PCDHAC2: variants seen among roughly 807,000 people sequenced by gnomAD.
PCDHAC2 encodes the protein protocadherin alpha-C2.
In PCDHAC2, 24 loss-of-function variants were observed where a neutral mutation model predicts 63.3. The observed-to-expected ratio is 0.38, with a 90% confidence interval of 0.27 to 0.53. PCDHAC2 has a LOEUF of 0.53. Ranked by LOEUF, PCDHAC2 falls within the 20% of genes least tolerant of loss-of-function variation. The pLI is 0.81. For missense variants in PCDHAC2, 1,181 were observed against 1,275.2 expected (o/e 0.93, Z 1.12); for synonymous variants, 569 against 529.4 (o/e 1.07, Z -1.03).
intron 1 of PCDHAC2, among the ~76,000 whole-genome samples, chr5:140,971,325 T>C (rs1273585971): frequency 3.9e-5 from 6 of 152,190 alleles, no homozygotes; most frequent in African/African-American, 1.4e-4. Context: ...AGGGAGAAAA[T>C]TATTTCAGAA....
At chr5:141,001,097 T>TC (rs1554257999) in intron 3 of PCDHAC2, among the ~76,000 whole-genome samples, 1 of 152,114 alleles carries the variant, frequency 6.6e-6, no homozygotes, top group Non-Finnish European at 1.5e-5. Flanking sequence ...AACTGTCTAA[T>TC]CCATAATAAG....
chr5:140,988,097 C>T (rs2097282934), intron 3 of PCDHAC2, among the ~76,000 whole-genome samples: 1 of 152,084 alleles, frequency 6.6e-6, no homozygotes, highest in Admixed American at 6.5e-5. Flanking sequence ...AGCCTCGGGC[C>T]TTGTTGGAGA....
rs2096268798 is a variant in PCDHAC2 at position 140,968,765 on chromosome 5, G to A, written c.1999G>A (p.Glu667Lys). 8.1e-6 allele frequency: 13 copies of A among 1,614,078 alleles called. No homozygotes were observed. The East Asian group carries it at 2.2e-4, about 28-fold the overall frequency. The change falls in exon 1 of 4, where the codon GAG (glutamate) becomes AAG (lysine). Residue 667 changes from glutamate to lysine, a missense_variant. By Grantham distance (56) the Glu-to-Lys change is moderately conservative (BLOSUM62 1). Transcript: ENST00000289269. ...NLTVVVRDNG[E>K]PSLSASVAIT... Reference sequence around the variant, plus strand: ...GACCGTGGTGGTCCGAGATAATGGAGAGCCATCACTATCAGCCTCTGTGGC... The same window carrying A: ...GACCGTGGTGGTCCGAGATAATGGAAAGCCATCACTATCAGCCTCTGTGGC...
At chr5:140,977,461 G>A (rs1554238575) in intron 1 of PCDHAC2, among the ~76,000 whole-genome samples, 1 of 152,120 alleles carries the variant, frequency 6.6e-6, no homozygotes, top group African/African-American at 2.4e-5. Context: ...CTTTGATTTG[G>A]TCTGTAGATA....
At position 140,967,809 on chromosome 5, in the gene PCDHAC2, A is replaced by G; in HGVS notation, c.1043A>G (p.His348Arg). 6.2e-7 allele frequency: 1 copy of G among 1,614,190 alleles called. No homozygotes were observed. The part of the protein sequence containing the change: ...TDRGPVPMAG[H>R]CKVLVDIVDV... Reference sequence around the variant, plus strand: ...CGGGGTCCAGTGCCCATGGCAGGTCACTGCAAGGTGCTGGTGGACATCGTG... The same window carrying G: ...CGGGGTCCAGTGCCCATGGCAGGTCGCTGCAAGGTGCTGGTGGACATCGTG... The change falls in exon 1 of 4, where the codon CAC becomes CGC. Residue 348 changes from histidine (H) to arginine (R), a missense_variant. By Grantham distance (29) the His-to-Arg change is conservative. This residue lies in a region of PCDHAC2 where 968 missense variants were observed against 1,073.5 expected (regional missense o/e 0.90). Transcript: ENST00000289269.
chr5:140,985,465 A>T (rs1195143465), intron 3 of PCDHAC2, among the ~76,000 whole-genome samples: 1 of 152,126 alleles, frequency 6.6e-6, no homozygotes, highest in Non-Finnish European at 1.5e-5. Flanking sequence ...TGCTCCAAAA[A>T]ATTTGGTTGT....
At chr5:141,002,589 TC>T (rs1157810975) in intron 3 of PCDHAC2, among the ~76,000 whole-genome samples, 1 of 152,140 alleles carries the variant, frequency 6.6e-6, no homozygotes, top group African/African-American at 2.4e-5. Context: ...TAGTCCTTAG[TC>T]CCCTCATCTA....
At position 141,010,004 on chromosome 5, in the gene PCDHAC2, A is replaced by T; in HGVS notation, c.*67A>T. 1 of 1,573,418 alleles carries T rather than the reference A, an allele frequency of 6.4e-7. No individual in the cohort carries two copies. The highest frequency in any genetic ancestry group is 8.6e-7 in the Non-Finnish European group (1 of 1,163,824). ...TAATGGCAAATCTCTCCCATGTAGC[A>T]ATTCCCTGCTCCTTTTTCCTATCTA... On this transcript the variant is annotated 3_prime_UTR_variant, in exon 4 of 4. Transcript: ENST00000289269.
chr5:141,006,620 T>C (rs1237251555), intron 3 of PCDHAC2, among the ~76,000 whole-genome samples: 3 of 152,148 alleles, frequency 2.0e-5, no homozygotes, highest in Admixed American at 6.5e-5. Context: ...ATAAGGAGAC[T>C]ATTGCTGCAA....
intron 1 of PCDHAC2, among the ~76,000 whole-genome samples, chr5:140,978,524 C>G (rs1554239389): frequency 2.0e-5 from 3 of 152,208 alleles, no homozygotes; most frequent in Admixed American, 6.5e-5. Context: ...TCCAGCCAGG[C>G]CAGCAGAACT....
intron 3 of PCDHAC2, among the ~76,000 whole-genome samples, chr5:140,987,383 G>A (rs2097252098): frequency 6.6e-6 from 1 of 152,138 alleles, no homozygotes; most frequent in Admixed American, 6.5e-5. Flanking sequence ...GGGTCAGAAT[G>A]CATGCAAGGA....
intron 1 of PCDHAC2, 175 bp downstream of exon 1, chr5:140,969,506 G>A (rs1262259666): frequency 2.9e-5 from 41 of 1,426,940 alleles, no homozygotes; most frequent in Non-Finnish European, 3.6e-5. Context: ...TAGAAAAATA[G>A]CACTAAAGAA....
chr5:140,981,264 C>T (rs2096925155), intron 2 of PCDHAC2, among the ~76,000 whole-genome samples: 1 of 152,128 alleles, frequency 6.6e-6, no homozygotes, highest in Non-Finnish European at 1.5e-5. Flanking sequence ...TCAAGATAAG[C>T]AAATGTCTAG....
chr5:140,977,433 A>G (rs939711301), intron 1 of PCDHAC2, among the ~76,000 whole-genome samples: 6 of 152,218 alleles, frequency 3.9e-5, no homozygotes, highest in Non-Finnish European at 7.3e-5. Flanking sequence ...TAACACCGCT[A>G]GTAGATAATG....
intron 3 of PCDHAC2, among the ~76,000 whole-genome samples, chr5:140,985,739 CT>C (rs11372071): frequency 0.013 from 1,497 of 117,900 alleles, 11 homozygotes; most frequent in African/African-American, 0.038. Flanking sequence ...TGATGAATTC[CT>C]TTTTTTTTTT....
At chr5:140,997,374 A>G (rs1296402204) in intron 3 of PCDHAC2, among the ~76,000 whole-genome samples, 1 of 152,212 alleles carries the variant, frequency 6.6e-6, no homozygotes, top group Non-Finnish European at 1.5e-5. Flanking sequence ...TAGATGATAT[A>G]GCATACTACA....
rs545349225 is a variant in PCDHAC2, at chr5:140,969,608, C to T, written c.2565+277C>T. On this transcript the variant is annotated intron_variant, in intron 1 of 3. Coordinates refer to ENST00000289269, the MANE Select transcript of PCDHAC2 (RefSeq NM_018899.6). ...AGTCTTAATATTTAATGCTAAAACA[C>T]AGATTTGTAGAGAAACAGGACAGGC... 646 of 747,324 alleles carry T rather than the reference C, an allele frequency of 8.6e-4. 1 individual carries two copies. Among genetic ancestry groups the T allele is most frequent in the Middle Eastern group, 3.2e-3 (8 of 2,532 alleles). The allele number at this position is 747,324 out of a possible 1,614,324, so 46.3% of individuals were successfully genotyped here. A position where few individuals can be genotyped will look rare whatever the true frequency, so the allele number is the denominator to read the frequency against.
chr5:140,984,516 TCA>T (rs1422083367), intron 3 of PCDHAC2, among the ~76,000 whole-genome samples: 2 of 152,130 alleles, frequency 1.3e-5, no homozygotes, highest in Non-Finnish European at 2.9e-5. Context: ...GATGCATGAG[TCA>T]CAGTCTTCAT....
chr5:141,011,435 T>C lies in PCDHAC2; in HGVS notation c.*1498T>C, dbSNP rs781837801. ...TGTGAATGTTAATGCAACTATTACC[T>C]AGAGTGAACTTTAAGCTTTATTGTT... On this transcript the variant is annotated 3_prime_UTR_variant, in exon 4 of 4. Coordinates refer to ENST00000289269, the MANE Select transcript of PCDHAC2 (RefSeq NM_018899.6). 3 of 153,818 alleles carry C rather than the reference T, an allele frequency of 2.0e-5. No individual in the cohort carries two copies. The highest frequency in any genetic ancestry group is 4.4e-5 in the Non-Finnish European group (3 of 68,050). The allele number at this position is 153,818 out of a possible 1,614,324, so 9.5% of individuals were successfully genotyped here.
Sources: allele counts gnomAD v4.1 joint callset (sites outside exome capture counted in the v4.1 genomes callset), GRCh38; gene constraint gnomAD v4.1.1; regional missense constraint gnomAD v4.1.1; transcripts MANE v1.5; gene names NCBI Gene and HGNC (gene_info 2026-07-23, HGNC 2026-07-21).